The following NEGR1 variants were observed in gnomAD, a reference collection of about 807,000 sequenced individuals.
NEGR1 encodes the protein neuronal growth regulator 1.
In NEGR1, 10 loss-of-function variants were observed where a neutral mutation model predicts 40.9. That is an observed-to-expected ratio of 0.24 (90% CI 0.15 to 0.42). NEGR1 has a LOEUF of 0.42. Ranked by LOEUF, NEGR1 falls within the 10% of genes least tolerant of loss-of-function variation. NEGR1 has a pLI of 1.00. For synonymous variants in NEGR1, 185 were observed against 166.8 expected, an observed-to-expected ratio of 1.11 and a Z score of -0.84; for missense variants, 352 against 438.9, an observed-to-expected ratio of 0.80 and a Z score of 1.77.
chr1:71,567,621 G>C (rs1380244716), intron 6 of NEGR1, among the ~76,000 whole-genome samples: 2 of 152,018 alleles, frequency 1.3e-5, no homozygotes, highest in Non-Finnish European at 2.9e-5. Flanking sequence ...TCATTTTTCT[G>C]TGTTATTCAT....
intron 2 of NEGR1, among the ~76,000 whole-genome samples, chr1:71,906,146 G>A (rs1661268342): frequency 1.3e-5 from 2 of 152,018 alleles, no homozygotes; most frequent in Admixed American, 1.3e-4. Context: ...TTCCAATTCT[G>A]GGTGCTGCCC....
At chr1:71,678,890 G>A (rs1557609972) in intron 4 of NEGR1, among the ~76,000 whole-genome samples, 1 of 152,220 alleles carries the variant, frequency 6.6e-6, no homozygotes, top group East Asian at 1.9e-4. Flanking sequence ...AAAGGCAGCC[G>A]AGCAAACAGA....
At chr1:72,236,685 C>G (rs1180928588) in intron 1 of NEGR1, among the ~76,000 whole-genome samples, 2 of 152,006 alleles carry the variant, frequency 1.3e-5, no homozygotes, top group African/African-American at 4.8e-5. Flanking sequence ...AGGGCATTAA[C>G]ACCTTTATAT....
At chr1:71,800,772 T>C (rs1657526622) in intron 2 of NEGR1, among the ~76,000 whole-genome samples, 1 of 152,132 alleles carries the variant, frequency 6.6e-6, no homozygotes, top group South Asian at 2.1e-4. Context: ...AATCCTCCCA[T>C]TCTCTCCCAC....
chr1:71,738,893 A>T (rs1485812669), intron 3 of NEGR1, among the ~76,000 whole-genome samples: 1 of 152,170 alleles, frequency 6.6e-6, no homozygotes, highest in East Asian at 1.9e-4. Context: ...GAAAGAGAAA[A>T]AAAATTACAT....
intron 1 of NEGR1, among the ~76,000 whole-genome samples, chr1:72,154,745 T>C (rs1261981682): frequency 1.3e-5 from 2 of 152,002 alleles, no homozygotes; most frequent in African/African-American, 4.8e-5. Flanking sequence ...ACACATGACT[T>C]ACAGGGCAAA....
chr1:72,115,843 C>G (rs1175565683), intron 1 of NEGR1, among the ~76,000 whole-genome samples: 1 of 151,538 alleles, frequency 6.6e-6, no homozygotes, highest in Non-Finnish European at 1.5e-5. Context: ...TGGTGCCATC[C>G]TTATGGTGGG....
chr1:72,071,031 A>T (rs78405398), intron 1 of NEGR1, among the ~76,000 whole-genome samples: 2,273 of 152,156 alleles, frequency 0.015, 52 homozygotes, highest in African/African-American at 0.052. Context: ...AGTGGAACAT[A>T]GTTTTTATTA....
At chr1:72,107,071 G>T (rs1163863371) in intron 1 of NEGR1, among the ~76,000 whole-genome samples, 4 of 151,698 alleles carry the variant, frequency 2.6e-5, no homozygotes. Context: ...TGATTTAAAT[G>T]AAATATCTTT....
chr1:71,740,271 T>A (rs1247472713), intron 3 of NEGR1, among the ~76,000 whole-genome samples: 1 of 152,198 alleles, frequency 6.6e-6, no homozygotes, highest in Non-Finnish European at 1.5e-5. Context: ...ATACAGATAG[T>A]TCTCAGTAAA....
intron 2 of NEGR1, among the ~76,000 whole-genome samples, chr1:71,814,121 G>A (rs765949436): frequency 6.6e-5 from 10 of 152,056 alleles, no homozygotes; most frequent in Admixed American, 2.0e-4. Context: ...CTAGATTATT[G>A]AGAGTTTTTA....
At chr1:71,502,884 G>A (rs143271122) in intron 6 of NEGR1, among the ~76,000 whole-genome samples, 25 of 152,302 alleles carry the variant, frequency 1.6e-4, no homozygotes, top group African/African-American at 5.8e-4. Flanking sequence ...TCTCCCGCAA[G>A]GGAAATGGCC....
intron 6 of NEGR1, among the ~76,000 whole-genome samples, chr1:71,458,130 A>G (rs930612189): frequency 2.6e-5 from 4 of 152,204 alleles, no homozygotes; most frequent in African/African-American, 9.6e-5. Context: ...CTTGTACCAC[A>G]TTGCTACTCT....
intron 3 of NEGR1, among the ~76,000 whole-genome samples, chr1:71,702,286 A>G (rs1443993567): frequency 6.6e-6 from 1 of 152,050 alleles, no homozygotes; most frequent in Non-Finnish European, 1.5e-5. Context: ...TTCCCTTTCA[A>G]AGTTTATTGG....
intron 1 of NEGR1, among the ~76,000 whole-genome samples, chr1:72,119,971 G>A (rs1357131747): frequency 6.6e-6 from 1 of 151,876 alleles, no homozygotes; most frequent in Non-Finnish European, 1.5e-5. Flanking sequence ...AATAAATGAT[G>A]TATAAATGAT....
At chr1:71,606,786 T>G (rs1014349912) in intron 5 of NEGR1, among the ~76,000 whole-genome samples, 11 of 152,228 alleles carry the variant, frequency 7.2e-5, no homozygotes, top group Non-Finnish European at 1.6e-4. Context: ...ATTTCTTTCT[T>G]TTCTTTAAAT....
intron 1 of NEGR1, among the ~76,000 whole-genome samples, chr1:72,116,184 T>G (rs1042712419): frequency 6.6e-6 from 1 of 151,716 alleles, no homozygotes; most frequent in Non-Finnish European, 1.5e-5. Flanking sequence ...GTACAATCAG[T>G]TGAGTCATGA....
chr1:72,166,760 T>C (rs910924729), intron 1 of NEGR1, among the ~76,000 whole-genome samples: 1 of 152,110 alleles, frequency 6.6e-6, no homozygotes, highest in Non-Finnish European at 1.5e-5. Flanking sequence ...GGCCAGGATC[T>C]GGGGAAGACG....
At chr1:71,507,562 C>T (rs1647043842) in intron 6 of NEGR1, among the ~76,000 whole-genome samples, 1 of 152,104 alleles carries the variant, frequency 6.6e-6, no homozygotes, top group African/African-American at 2.4e-5. Flanking sequence ...GGAGGAAGAC[C>T]TCCCAAACTA....
Sources: gnomAD v4.1 joint callset for allele counts (sites outside exome capture counted in the v4.1 genomes callset) on GRCh38, gnomAD v4.1.1 for gene constraint, MANE v1.5 for transcripts, NCBI Gene and HGNC (gene_info 2026-07-23, HGNC 2026-07-21) for gene names.